The following DOCK8 variants were observed in gnomAD, a reference collection of about 807,000 sequenced individuals.
DOCK8 encodes dedicator of cytokinesis protein 8.
A neutral mutation model predicts 245.6 loss-of-function variants in DOCK8; 141 were observed. That is an observed-to-expected ratio of 0.57 (90% CI 0.50 to 0.66). DOCK8 has a LOEUF of 0.66. Ranked by LOEUF, DOCK8 falls within the 30% of genes least tolerant of loss-of-function variation. The probability of loss-of-function intolerance (pLI) is 0.00; values close to 1 mark genes in which losing one functional copy is unlikely to be tolerated. For synonymous variants in DOCK8, 1,168 were observed against 970.2 expected, an observed-to-expected ratio of 1.20 and a Z score of -3.79; for missense variants, 2,965 against 2,603.4, an observed-to-expected ratio of 1.14 and a Z score of -3.02.
chr9:445,407 G>C (rs1235818632), intron 43 of DOCK8, among the ~76,000 whole-genome samples: 2 of 152,180 alleles, frequency 1.3e-5, no homozygotes, highest in Non-Finnish European at 2.9e-5. Context: ...TGAACTCATG[G>C]TCACTTTTTT....
chr9:449,959 G>A (rs933071212), intron 45 of DOCK8, 32 bp downstream of exon 45: 1 of 1,612,272 alleles, frequency 6.2e-7, no homozygotes, highest in Non-Finnish European at 8.5e-7. Flanking sequence ...AGCTCCTCTG[G>A]TTCTTATTAT....
At chr9:296,638 T>G (rs1041733666) in intron 4 of DOCK8, among the ~76,000 whole-genome samples, 2 of 152,230 alleles carry the variant, frequency 1.3e-5, no homozygotes, top group Non-Finnish European at 2.9e-5. Flanking sequence ...ATAATTCAGT[T>G]ACTCCCAGAA....
At chr9:240,996 C>T (rs1053074830) in intron 1 of DOCK8, among the ~76,000 whole-genome samples, 12 of 152,014 alleles carry the variant, frequency 7.9e-5, no homozygotes, top group African/African-American at 2.9e-4. Flanking sequence ...ATTATTGTTT[C>T]TTTTTCCTCT....
At chr9:443,331 C>A in intron 42 of DOCK8, 96 bp from the exon 43 acceptor site, 1 of 1,151,958 alleles carries the variant, frequency 8.7e-7, no homozygotes, top group Non-Finnish European at 1.3e-6. Flanking sequence ...CATCATTCTA[C>A]CTTGCACTTG....
intron 20 of DOCK8, among the ~76,000 whole-genome samples, chr9:377,864 G>C (rs1484293775): frequency 6.6e-6 from 1 of 152,070 alleles, no homozygotes; most frequent in Non-Finnish European, 1.5e-5. Flanking sequence ...TTTTCCCTTA[G>C]AAATAATCTC....
Position 214,874 on chromosome 9 carries a change from G to C in DOCK8, c.-103G>C, listed in dbSNP as rs777553733. ...GTTTCCAGCGCCGACCGACAGACGA[G>C]GTTTGCGCTTGGCTGGGCATGTTCC... is the stretch of plus-strand genomic sequence containing the variant. On this transcript the variant is annotated 5_prime_UTR_variant, in exon 1 of 48. Transcript: ENST00000432829. 3 of 1,601,744 alleles carry C rather than the reference G, an allele frequency of 1.9e-6. No individual in the cohort carries two copies. In the East Asian group the frequency reaches 6.8e-5, roughly 36 times the overall value.
Position 328,094 on chromosome 9 carries a change from G to T in DOCK8, c.967G>T (p.Val323Leu). 6.2e-7 allele frequency: 1 copy of T among 1,614,194 alleles called. No individual in the cohort carries two copies. Among genetic ancestry groups the T allele is most frequent in the Non-Finnish European group, 8.5e-7 (1 of 1,180,026 alleles). The change falls in exon 9 of 48, where the codon GTG becomes TTG. Residue 323 changes from valine (V) to leucine (L), a missense_variant. Around this residue, in one of 3 missense-constraint regions of DOCK8, gnomAD observed 2,825 missense variants for 2,453.5 expected, o/e 1.15. Coordinates refer to ENST00000432829, the MANE Select transcript of DOCK8 (RefSeq NM_203447.4). ...ATTTCTGCGAGCTCACACGCCTTCA[G>T]TGGCCGCATCAAGTCAGGCGAGATC... ...KGFLRAHTPS[V>L]AASSQARSAV...
intron 14 of DOCK8, among the ~76,000 whole-genome samples, chr9:352,208 A>G (rs570699552): frequency 2.6e-5 from 4 of 152,292 alleles, no homozygotes; most frequent in Admixed American, 2.0e-4. Flanking sequence ...AATAGGCTTC[A>G]GGGCCTAACT....
intron 1 of DOCK8, among the ~76,000 whole-genome samples, chr9:225,407 G>T (rs1289021593): frequency 1.3e-5 from 2 of 152,172 alleles, no homozygotes; most frequent in African/African-American, 4.8e-5. Flanking sequence ...CATTGGAAGG[G>T]ATTCCAGGGG....
rs377504440 is a variant in DOCK8, at chr9:239,319, A to AT, written c.53+24294dup. 2.8e-3 allele frequency among the ~76,000 whole-genome samples: 428 copies of AT among 152,250 alleles called. 5 individuals carry two copies. The highest frequency in any genetic ancestry group is 9.8e-3 in the African/African-American group (408 of 41,542). Reference sequence around the variant, plus strand: ...ACTTTAAATTTCCCCTGGAGCTCACATTTTCTGGGTACTGAAAGATATGGT... The same window carrying AT: ...ACTTTAAATTTCCCCTGGAGCTCACATTTTTCTGGGTACTGAAAGATATGGT... On this transcript the variant is annotated intron_variant, in intron 1 of 47. Transcript: ENST00000432829.
At chr9:307,863 A>C (rs1191889901) in intron 5 of DOCK8, among the ~76,000 whole-genome samples, 2 of 152,250 alleles carry the variant, frequency 1.3e-5, no homozygotes, top group Non-Finnish European at 2.9e-5. Context: ...GTATGTATAC[A>C]CGATAGAATA....
In DOCK8 at chr9:309,180, A is replaced by AT. The variant is rs1266640256; in HGVS notation, c.529-2767dup. On this transcript the variant is annotated intron_variant, in intron 5 of 47. Coordinates refer to ENST00000432829, the MANE Select transcript of DOCK8 (RefSeq NM_203447.4). ...TAGATTAAGGGATGAGTAATGTTAG[A>AT]TTTTTTTACTTATATGTATCTTGAT... Among the ~76,000 whole-genome samples, 19 of 152,258 alleles carry AT rather than the reference A, an allele frequency of 1.2e-4. No individual in the cohort carries two copies. The East Asian group carries it at 3.1e-3, about 25-fold the overall frequency.
intron 14 of DOCK8, among the ~76,000 whole-genome samples, chr9:351,343 A>G (rs1009067486): frequency 2.6e-5 from 4 of 152,212 alleles, no homozygotes; most frequent in African/African-American, 9.6e-5. Context: ...TCAGAAGGAC[A>G]GATAGTTGGT....
chr9:319,099 C>A (rs2050471059), intron 7 of DOCK8, among the ~76,000 whole-genome samples: 1 of 152,064 alleles, frequency 6.6e-6, no homozygotes, highest in Admixed American at 6.6e-5. Flanking sequence ...GAGTTTGAGG[C>A]CGGCCTGGGC....
At chr9:444,335 A>AAATAATAATAATGATAATAAT (rs1554709454) in intron 43 of DOCK8, among the ~76,000 whole-genome samples, 5 of 143,622 alleles carry the variant, frequency 3.5e-5, no homozygotes, top group African/African-American at 5.1e-5. Context: ...AAAACAAAGC[A>AAATAATAATAATGATAATAAT]AATAATAATA....
At chr9:218,891 T>A (rs977670195) in intron 1 of DOCK8, among the ~76,000 whole-genome samples, 4 of 152,286 alleles carry the variant, frequency 2.6e-5, no homozygotes, top group African/African-American at 7.2e-5. Context: ...CGTAACTCAT[T>A]CACCTCTATG....
chr9:455,767 A>AAAATAAAT (rs35619420), intron 46 of DOCK8, among the ~76,000 whole-genome samples: 5 of 151,566 alleles, frequency 3.3e-5, no homozygotes, highest in Admixed American at 6.6e-5. Context: ...TTCCTCCCAA[A>AAAATAAAT]AAATAAATAA....
intron 2 of DOCK8, among the ~76,000 whole-genome samples, chr9:276,605 T>C (rs1199428834): frequency 6.6e-6 from 1 of 152,260 alleles, no homozygotes; most frequent in African/African-American, 2.4e-5. Flanking sequence ...CCAAAATCCT[T>C]TGTGACCAGG....
Position 429,619 on chromosome 9 carries a change from A to G in DOCK8, c.4474-83A>G, listed in dbSNP as rs561698449. 5 of 1,547,178 alleles carry G rather than the reference A, an allele frequency of 3.2e-6. No homozygotes were observed. In the African/African-American group the frequency reaches 5.4e-5, roughly 17 times the overall value. The stretch of plus-strand genomic sequence containing the variant: ...CTCTTCTAGGCTTTTTGCTTGTCCA[A>G]ATGGACATTTGCATATTTCAACGGT... On this transcript the variant is annotated intron_variant, in intron 35 of 47. Coordinates refer to ENST00000432829, the MANE Select transcript of DOCK8 (RefSeq NM_203447.4).
Sources: allele counts gnomAD v4.1 joint callset (sites outside exome capture counted in the v4.1 genomes callset), GRCh38; gene constraint gnomAD v4.1.1; regional missense constraint gnomAD v4.1.1; transcripts MANE v1.5; gene names NCBI Gene and HGNC (gene_info 2026-07-23, HGNC 2026-07-21).